ZNF528: variants seen among roughly 807,000 people sequenced by gnomAD.
ZNF528 encodes zinc finger protein 528.
In ZNF528, 9 loss-of-function variants were observed where a neutral mutation model predicts 13.3. That is an observed-to-expected ratio of 0.67 (90% CI 0.41 to 1.18). ZNF528 has a LOEUF of 1.18. Among genes scored for constraint, ZNF528 ranks in the 50% most tolerant of loss-of-function variants. The probability of loss-of-function intolerance (pLI) is 0.01; values close to 1 mark genes in which losing one functional copy is unlikely to be tolerated. For missense variants in ZNF528, 858 were observed against 745.4 expected (o/e 1.15, Z -1.76); for synonymous variants, 264 against 254.3 (o/e 1.04, Z -0.36).
chr19:52,410,799 G>A (rs2058921866), intron 6 of ZNF528, among the ~76,000 whole-genome samples: 1 of 152,202 alleles, frequency 6.6e-6, no homozygotes, highest in Admixed American at 6.5e-5. Flanking sequence ...CTGTTAAGGG[G>A]CACAGGGAAT....
In ZNF528 at chr19:52,402,129, C is replaced by T. The variant is rs942856604; in HGVS notation, c.15+101C>T. 1.1e-5 allele frequency: 17 copies of T among 1,548,460 alleles called. No homozygotes were observed. The African/African-American group carries it at 1.5e-4, about 14-fold the overall frequency. On this transcript the variant is annotated intron_variant, in intron 4 of 6. Transcript: ENST00000360465. ...TGACTCTGAAGCATCCTGCCTGACA[C>T]GTTTGCTTGCACTTACCCATGGCTT...
chr19:52,415,777 A>G lies in ZNF528; in HGVS notation c.925A>G (p.Ile309Val). The change falls in exon 7 of 7, where the codon ATT becomes GTT. Residue 309 changes from isoleucine (I) to valine (V), a missense_variant. Ile to Val is a conservative substitution (Grantham distance 29, BLOSUM62 3). Coordinates refer to ENST00000360465, the MANE Select transcript of ZNF528 (RefSeq NM_032423.3). ...TGAATGTGACAAGGTCTTCAATCAA[A>G]TTGCACACCTTGTACGACATCAAAA... ...CHECDKVFNQIAHLVRHQKIH... is the reference protein window; with the variant it reads ...CHECDKVFNQVAHLVRHQKIH... 6.2e-7 allele frequency: 1 copy of G among 1,614,094 alleles called. No individual in the cohort carries two copies. Among genetic ancestry groups the G allele is most frequent in the Non-Finnish European group, 8.5e-7 (1 of 1,180,026 alleles).
At chr19:52,400,073 T>G (rs187957956) in intron 2 of ZNF528, among the ~76,000 whole-genome samples, 9 of 152,234 alleles carry the variant, frequency 5.9e-5, no homozygotes, top group Non-Finnish European at 1.2e-4. Context: ...CTGTCCCTGC[T>G]CCTGGCTGCT....
At chr19:52,410,368 G>A (rs944351627) in intron 6 of ZNF528, among the ~76,000 whole-genome samples, 2 of 151,824 alleles carry the variant, frequency 1.3e-5, no homozygotes, top group African/African-American at 4.8e-5. Flanking sequence ...GTCGGTCAGC[G>A]GCTTGATTTA....
At chr19:52,414,874 C>T (rs2122594394) in intron 6 of ZNF528, 1 of 1,348,156 alleles carries the variant, frequency 7.4e-7, no homozygotes, top group African/African-American at 1.4e-5. Context: ...AGTTTTCAGT[C>T]TCTGTTGTAT....
At chr19:52,401,896 G>T (rs1331672398) in intron 3 of ZNF528, 51 bp from the exon 4 acceptor site, 1 of 1,583,826 alleles carries the variant, frequency 6.3e-7, no homozygotes, top group Non-Finnish European at 8.6e-7. Flanking sequence ...TATGGCACAG[G>T]AAGGAGGTAT....
At position 52,412,318 on chromosome 19, in the gene ZNF528, G is replaced by A. The variant is rs912309032; in HGVS notation, c.272-2806G>A. On this transcript the variant is annotated intron_variant, in intron 6 of 6. Transcript: ENST00000360465. ...TTCATAATCGGAGTCAGTCACTCCT[G>A]GGACTACAGTGATGCCTTGCAAGTT... 6.6e-5 allele frequency: 10 copies of A among 152,184 alleles called. No homozygotes were observed. The East Asian group carries it at 1.9e-3, about 29-fold the overall frequency. 9.4% of individuals were successfully genotyped at this position (152,184 alleles called of 1,614,324 possible). A position where few individuals can be genotyped will look rare whatever the true frequency, so the allele number is the denominator to read the frequency against.
chr19:52,408,981 C>T (rs889041610), intron 6 of ZNF528, among the ~76,000 whole-genome samples: 1 of 152,176 alleles, frequency 6.6e-6, no homozygotes, highest in African/African-American at 2.4e-5. Flanking sequence ...TACTAATTAA[C>T]TTCCTCAGCT....
rs572961606 is a variant in ZNF528 at position 52,403,877 on chromosome 19, G to A, written c.15+1849G>A. On this transcript the variant is annotated intron_variant, in intron 4 of 6. Transcript: ENST00000360465. ...AAATTACATCTTAAATATTTACCAGGTTAAAATTTTTCTATACTATCATGC... is the reference window on the plus strand; with the variant it reads ...AAATTACATCTTAAATATTTACCAGATTAAAATTTTTCTATACTATCATGC... 5.3e-5 allele frequency among the ~76,000 whole-genome samples: 8 copies of A among 152,036 alleles called. No individual in the cohort carries two copies. The South Asian group carries it at 1.7e-3, about 32-fold the overall frequency.
At chr19:52,403,926 T>C (rs140883909) in intron 4 of ZNF528, among the ~76,000 whole-genome samples, 66 of 152,258 alleles carry the variant, frequency 4.3e-4, no homozygotes, top group African/African-American at 1.6e-3. Flanking sequence ...GCTATAAGAA[T>C]AATAATGTAT....
In ZNF528 at chr19:52,406,539, T is replaced by G; in HGVS notation, c.167T>G (p.Val56Gly). ...GGAATCTGTCTTCCTGACCTGAGTGTTACCTCCATGTTAGAGCAAAAGAGA... is the reference window on the plus strand; with the variant it reads ...GGAATCTGTCTTCCTGACCTGAGTGGTACCTCCATGTTAGAGCAAAAGAGA... ...SLGICLPDLS[V>G]TSMLEQKRDP... is the part of the protein sequence containing the mutation. The change falls in exon 6 of 7, where the codon GTT becomes GGT. Residue 56 changes from valine (V) to glycine (G), a missense_variant. Transcript: ENST00000360465. 6.2e-7 allele frequency: 1 copy of G among 1,613,948 alleles called. No individual in the cohort carries two copies. The highest frequency in any genetic ancestry group is 8.5e-7 in the Non-Finnish European group (1 of 1,179,958).
At chr19:52,414,605 A>C in intron 6 of ZNF528, 1 of 430,616 alleles carries the variant, frequency 2.3e-6, no homozygotes, top group East Asian at 4.8e-5. Context: ...ACCTTCAGCA[A>C]ACCTTCTGGT....
At chr19:52,401,641 T>G (rs1250719629) in intron 2 of ZNF528, 44 bp from the exon 3 acceptor site, 1 of 1,253,120 alleles carries the variant, frequency 8.0e-7, no homozygotes. Flanking sequence ...GAATCACAGT[T>G]TATTACCACA....
At position 52,417,005 on chromosome 19, in the gene ZNF528, C is replaced by T. The variant is rs1369983084; in HGVS notation, c.*266C>T. ...AAGAAGTAACTCTGTCTCTGGTTCTCTGATACTAATCTATGATATTGCATG... is the reference window on the plus strand; with the variant it reads ...AAGAAGTAACTCTGTCTCTGGTTCTTTGATACTAATCTATGATATTGCATG... On this transcript the variant is annotated 3_prime_UTR_variant, in exon 7 of 7. Transcript: ENST00000360465. The T allele has an allele frequency of 2.3e-6, 1 of 434,702 alleles. No homozygotes were observed. The highest frequency in any genetic ancestry group is 1.9e-5 in the African/African-American group (1 of 51,390). The allele number at this position is 434,702 out of a possible 1,614,324, so 26.9% of individuals were successfully genotyped here. A position where few individuals can be genotyped will look rare whatever the true frequency, so the allele number is the denominator to read the frequency against.
At chr19:52,410,833 G>A (rs1477237812) in intron 6 of ZNF528, among the ~76,000 whole-genome samples, 1 of 152,182 alleles carries the variant, frequency 6.6e-6, no homozygotes, top group Non-Finnish European at 1.5e-5. Flanking sequence ...TCCTTGCAGG[G>A]TTTGGTAAAG....
chr19:52,407,972 C>T (rs994260531), intron 6 of ZNF528, among the ~76,000 whole-genome samples: 25 of 151,854 alleles, frequency 1.6e-4, no homozygotes, highest in Admixed American at 5.3e-4. Flanking sequence ...CCTTAGCCTG[C>T]CAAAGTGCTT....
intron 2 of ZNF528, among the ~76,000 whole-genome samples, chr19:52,400,227 A>AACACACACAC (rs56136198): frequency 0.033 from 4,783 of 144,636 alleles, 246 homozygotes; most frequent in African/African-American, 0.11. Context: ...TGCCCATTAA[A>AACACACACAC]ACACACACAC....
intron 2 of ZNF528, among the ~76,000 whole-genome samples, chr19:52,401,057 C>T (rs979471808): frequency 7.9e-5 from 12 of 152,130 alleles, no homozygotes; most frequent in African/African-American, 2.4e-4. Flanking sequence ...CCTGTTCTGT[C>T]TGCCCACACC....
intron 2 of ZNF528, among the ~76,000 whole-genome samples, chr19:52,401,249 A>G (rs1003849850): frequency 6.6e-6 from 1 of 151,724 alleles, no homozygotes; most frequent in Non-Finnish European, 1.5e-5. Flanking sequence ...GGCTTCCTGA[A>G]CTCCCCCAGA....
Sources: gnomAD v4.1 joint callset for allele counts (sites outside exome capture counted in the v4.1 genomes callset) on GRCh38, gnomAD v4.1.1 for gene constraint, MANE v1.5 for transcripts, NCBI Gene and HGNC (gene_info 2026-07-23, HGNC 2026-07-21) for gene names.